The following SV2C variants were observed in gnomAD, a reference collection of about 807,000 sequenced individuals.
SV2C encodes solute carrier family 22 member B3.
Under a neutral mutation model 79.7 loss-of-function variants are expected in SV2C, and 49 were observed. That is an observed-to-expected ratio of 0.61 (90% CI 0.49 to 0.78). The LOEUF (loss-of-function observed/expected upper bound fraction) is 0.78. Among genes scored for constraint, SV2C ranks in the 30% least tolerant of loss-of-function variants. The pLI, the probability that SV2C is intolerant of heterozygous loss-of-function variation, is 0.00. For synonymous variants in SV2C, 334 were observed against 333.2 expected, an observed-to-expected ratio of 1.00 and a Z score of -0.03; for missense variants, 833 against 912.9, an observed-to-expected ratio of 0.91 and a Z score of 1.13.
chr5:76,120,337 G>C (rs1561223903), intron 1 of SV2C, among the ~76,000 whole-genome samples: 1 of 146,026 alleles, frequency 6.8e-6, no homozygotes, highest in African/African-American at 2.6e-5. Context: ...TTTTTGTTTT[G>C]AAAATTGTTC....
At chr5:76,287,345 G>C (rs919918612) in intron 6 of SV2C, among the ~76,000 whole-genome samples, 1 of 152,174 alleles carries the variant, frequency 6.6e-6, no homozygotes, top group Non-Finnish European at 1.5e-5. Context: ...ACTTGATATA[G>C]CTTGACATGA....
the SV2C span, among the ~76,000 whole-genome samples, chr5:76,068,960 C>T: frequency 6.6e-6 from 1 of 151,962 alleles, no homozygotes; most frequent in Admixed American, 6.6e-5. Flanking sequence ...TAATTAATAC[C>T]ATCTGCAAAG....
chr5:76,071,304 C>T, the SV2C span, among the ~76,000 whole-genome samples: 6 of 152,064 alleles, frequency 3.9e-5, no homozygotes, highest in East Asian at 1.9e-4. Context: ...GTGGAGAAGA[C>T]GCACCGAGCA....
At chr5:76,319,610 G>A (rs1286943540) in intron 12 of SV2C, among the ~76,000 whole-genome samples, 1 of 152,116 alleles carries the variant, frequency 6.6e-6, no homozygotes, top group Non-Finnish European at 1.5e-5. Flanking sequence ...TGAAAATGGA[G>A]ATTCTTAAGA....
chr5:75,997,037 G>A, the SV2C span, among the ~76,000 whole-genome samples: 1 of 150,050 alleles, frequency 6.7e-6, no homozygotes, highest in Admixed American at 6.7e-5. Context: ...TAGGAGTGGT[G>A]AGAGAGGGCA....
At chr5:76,037,975 G>A in the SV2C span, among the ~76,000 whole-genome samples, 2 of 152,196 alleles carry the variant, frequency 1.3e-5, no homozygotes, top group East Asian at 1.9e-4. Flanking sequence ...TCGGAAAAGC[G>A]CAGTATTAGG....
the SV2C span, among the ~76,000 whole-genome samples, chr5:75,865,430 G>T: frequency 2.0e-5 from 3 of 152,218 alleles, no homozygotes; most frequent in African/African-American, 7.2e-5. Context: ...TTGGTTTATA[G>T]ATGGGCTACT....
the SV2C span, among the ~76,000 whole-genome samples, chr5:76,030,075 TA>T: frequency 2.6e-5 from 4 of 152,152 alleles, no homozygotes; most frequent in Non-Finnish European, 5.9e-5. Flanking sequence ...GAAACCACTT[TA>T]AATAGAAGGA....
At chr5:76,041,815 A>G in the SV2C span, among the ~76,000 whole-genome samples, 1 of 152,180 alleles carries the variant, frequency 6.6e-6, no homozygotes, top group Non-Finnish European at 1.5e-5. Context: ...CTCTCTGATA[A>G]GGACCTTGTT....
At chr5:75,930,682 A>C in the SV2C span, among the ~76,000 whole-genome samples, 9 of 152,368 alleles carry the variant, frequency 5.9e-5, no homozygotes, top group African/African-American at 1.9e-4. Flanking sequence ...GGACGTGAGC[A>C]CTGTCCTAAT....
chr5:76,327,982 C>G lies in SV2C; in HGVS notation c.*2435C>G, dbSNP rs1026922205. On this transcript the variant is annotated 3_prime_UTR_variant, in exon 13 of 13. Transcript: ENST00000502798. ...CTTGGTGGCCTAAGAGGGATCTTTT[C>G]TCATCTCCTGGACAGTCTGTGGTCA... 6.6e-6 allele frequency: 1 copy of G among 152,266 alleles called. No homozygotes were observed. Among genetic ancestry groups the G allele is most frequent in the African/African-American group, 2.4e-5 (1 of 41,450 alleles). 9.4% of individuals were successfully genotyped at this position (152,266 alleles called of 1,614,324 possible).
At chr5:75,978,695 C>T in the SV2C span, among the ~76,000 whole-genome samples, 1 of 152,140 alleles carries the variant, frequency 6.6e-6, no homozygotes, top group African/African-American at 2.4e-5. Context: ...TGGTACCACA[C>T]ACAACACACT....
At chr5:76,151,222 A>G (rs1456543827) in intron 2 of SV2C, among the ~76,000 whole-genome samples, 1 of 152,194 alleles carries the variant, frequency 6.6e-6, no homozygotes, top group Non-Finnish European at 1.5e-5. Flanking sequence ...GAACAAACTG[A>G]GCAAAGGCAC....
chr5:76,296,010 T>C, intron 9 of SV2C, 68 bp downstream of exon 9: 2 of 1,433,222 alleles, frequency 1.4e-6, no homozygotes, highest in South Asian at 3.0e-5. Context: ...TAGCTTTCCC[T>C]GCACTGAAAC....
chr5:76,117,005 G>A (rs980906552), intron 1 of SV2C, among the ~76,000 whole-genome samples: 1 of 152,160 alleles, frequency 6.6e-6, no homozygotes, highest in South Asian at 2.1e-4. Flanking sequence ...GGAAAAGTGA[G>A]CTAGGACTGT....
At chr5:75,969,322 A>G in the SV2C span, among the ~76,000 whole-genome samples, 6 of 152,210 alleles carry the variant, frequency 3.9e-5, no homozygotes, top group Non-Finnish European at 8.8e-5. Context: ...TTCACACATA[A>G]CAATACTAAC....
chr5:76,124,944 C>T (rs1381050286), intron 1 of SV2C, among the ~76,000 whole-genome samples: 1 of 152,144 alleles, frequency 6.6e-6, no homozygotes, highest in Admixed American at 6.5e-5. Context: ...CTTTGACTCA[C>T]TTGAGGATAT....
At chr5:76,015,848 TAAAC>T in the SV2C span, among the ~76,000 whole-genome samples, 81 of 152,262 alleles carry the variant, frequency 5.3e-4, no homozygotes, top group Non-Finnish European at 9.4e-4. Context: ...GAATATATCA[TAAAC>T]AAACTATGTA....
the SV2C span, chr5:75,911,082 C>A: frequency 2.2e-6 from 3 of 1,374,354 alleles, no homozygotes; most frequent in South Asian, 3.5e-5. Context: ...GAACCTGATG[C>A]AGCCCGGGGG....
Sources: gnomAD v4.1 joint callset for allele counts (sites outside exome capture counted in the v4.1 genomes callset) on GRCh38, gnomAD v4.1.1 for gene constraint, MANE v1.5 for transcripts, NCBI Gene and HGNC (gene_info 2026-07-23, HGNC 2026-07-21) for gene names.